The following COG5 variants were observed in gnomAD, a reference collection of about 807,000 sequenced individuals.
COG5 encodes the protein component of oligomeric golgi complex 5.
A neutral mutation model predicts 110.4 loss-of-function variants in COG5; 86 were observed. The ratio of observed to expected loss-of-function variants is 0.78; its 90% CI spans 0.65 to 0.93. The LOEUF (loss-of-function observed/expected upper bound fraction) is 0.93, where lower values mean the gene tolerates loss of function less well. COG5 is among the 40% of genes least tolerant of loss of function. The probability of loss-of-function intolerance (pLI) is 0.00; values close to 1 mark genes in which losing one functional copy is unlikely to be tolerated. For missense variants in COG5, 1,077 were observed against 987.0 expected, an observed-to-expected ratio of 1.09 and a Z score of -1.22; for synonymous variants, 360 against 334.6, an observed-to-expected ratio of 1.08 and a Z score of -0.83.
intron 6 of COG5, among the ~76,000 whole-genome samples, chr7:107,439,048 CTT>C (rs1794544034): frequency 6.6e-6 from 1 of 152,104 alleles, no homozygotes; most frequent in South Asian, 2.1e-4. Flanking sequence ...TTCCTGACCT[CTT>C]CTCTTCTAAT....
intron 14 of COG5, among the ~76,000 whole-genome samples, chr7:107,266,131 T>C (rs1408397591): frequency 1.3e-5 from 2 of 152,158 alleles, no homozygotes; most frequent in Non-Finnish European, 2.9e-5. Context: ...TTATACTTTA[T>C]GTGGAATCCA....
intron 14 of COG5, among the ~76,000 whole-genome samples, chr7:107,274,511 A>G (rs924248916): frequency 5.3e-5 from 8 of 152,096 alleles, no homozygotes; most frequent in African/African-American, 1.9e-4. Flanking sequence ...CCCCGTCTTC[A>G]CCATGAGATC....
At chr7:107,409,363 G>T (rs893505175) in intron 7 of COG5, among the ~76,000 whole-genome samples, 1 of 149,816 alleles carries the variant, frequency 6.7e-6, no homozygotes, top group African/African-American at 2.5e-5. Context: ...TGGGAAACTG[G>T]GAGGTCACCC....
intron 1 of COG5, among the ~76,000 whole-genome samples, chr7:107,558,730 T>TA (rs1265932842): frequency 6.7e-6 from 1 of 148,490 alleles, no homozygotes; most frequent in East Asian, 2.0e-4. Flanking sequence ...ACTAAAAATA[T>TA]AAAAAAAATT....
At chr7:107,282,884 C>G (rs1053141436) in intron 13 of COG5, among the ~76,000 whole-genome samples, 3 of 152,142 alleles carry the variant, frequency 2.0e-5, no homozygotes, top group Admixed American at 6.5e-5. Flanking sequence ...AGAATTTAGA[C>G]CTCAGTCTCA....
At chr7:107,212,376 G>A (rs1179863842) in intron 19 of COG5, among the ~76,000 whole-genome samples, 1 of 152,232 alleles carries the variant, frequency 6.6e-6, no homozygotes, top group Admixed American at 6.5e-5. Flanking sequence ...CTGAAAATGT[G>A]ATGCACCTGC....
At chr7:107,453,175 T>A (rs2129095063) in intron 6 of COG5, among the ~76,000 whole-genome samples, 1 of 152,308 alleles carries the variant, frequency 6.6e-6, no homozygotes, top group East Asian at 1.9e-4. Context: ...TTCAAAATAA[T>A]CTGAACAATA....
At position 107,527,245 on chromosome 7, in the gene COG5, T is replaced by A. The variant is rs1466497522; in HGVS notation, c.530A>T (p.Asn177Ile). 1.3e-6 allele frequency: 2 copies of A among 1,586,048 alleles called. No individual in the cohort carries two copies. The highest frequency in any genetic ancestry group is 1.1e-5 in the South Asian group (1 of 87,460). The change falls in exon 6 of 22, where the codon AAT becomes ATT. Residue 177 changes from asparagine to isoleucine, a missense_variant. By Grantham distance (149) the Asn-to-Ile change is moderately radical (BLOSUM62 -3). Coordinates refer to ENST00000297135, the MANE Select transcript of COG5 (RefSeq NM_006348.5). The stretch of plus-strand genomic sequence containing the variant: ...AAAAAAAAAAAACTTACCAAGTTCA[T>A]TGAGACTCTGAGCAGCTTTTGTTAT... ...REITKAAQSL[N>I]ELDYLSQGID...
chr7:107,398,468 C>T (rs1409979559), intron 7 of COG5, among the ~76,000 whole-genome samples: 1 of 152,036 alleles, frequency 6.6e-6, no homozygotes, highest in East Asian at 1.9e-4. Context: ...GAGTGCGAAC[C>T]CTATTGCTAA....
intron 6 of COG5, among the ~76,000 whole-genome samples, chr7:107,423,588 C>G (rs1171192475): frequency 1.3e-5 from 2 of 150,206 alleles, no homozygotes; most frequent in South Asian, 2.1e-4. Context: ...CATTATCCCT[C>G]AAGAGATATA....
At chr7:107,224,206 T>TAA (rs1474810607) in intron 19 of COG5, among the ~76,000 whole-genome samples, 7 of 152,102 alleles carry the variant, frequency 4.6e-5, no homozygotes, top group African/African-American at 1.7e-4. Flanking sequence ...AGGGTCTTAG[T>TAA]GTTAAAGGTG....
rs1454115230 is a variant in COG5 at position 107,372,702 on chromosome 7, T to C, written c.728A>G (p.Asp243Gly). 1.2e-6 allele frequency: 2 copies of C among 1,613,558 alleles called. No individual in the cohort carries two copies. Among genetic ancestry groups the C allele is most frequent in the Non-Finnish European group, 1.7e-6 (2 of 1,179,692 alleles). The change falls in exon 8 of 22, where the codon GAT (aspartate) becomes GGT (glycine). Residue 243 changes from aspartate (D) to glycine (G), a missense_variant. Coordinates refer to ENST00000297135, the MANE Select transcript of COG5 (RefSeq NM_006348.5). ...TCCATCCACAACACTGGTAATAGTA[T>C]CCTTCAAAGTTCCAAGATTATAGAA... Reference protein sequence around the residue: ...QVFYNLGTLKDTITSVVDGYC... With the variant: ...QVFYNLGTLKGTITSVVDGYC...
intron 6 of COG5, among the ~76,000 whole-genome samples, chr7:107,468,742 T>G (rs1796451934): frequency 6.6e-6 from 1 of 152,092 alleles, no homozygotes; most frequent in South Asian, 2.1e-4. Flanking sequence ...AATAAGAGAA[T>G]AGTTCCAATT....
intron 6 of COG5, among the ~76,000 whole-genome samples, chr7:107,429,038 T>G (rs912474434): frequency 6.6e-6 from 1 of 152,190 alleles, no homozygotes; most frequent in East Asian, 1.9e-4. Flanking sequence ...CATGAACATT[T>G]CTTGTCTGCT....
chr7:107,548,247 T>C lies in COG5; in HGVS notation c.347+31A>G, dbSNP rs759035826. 5.6e-6 allele frequency: 9 copies of C among 1,602,010 alleles called. No homozygotes were observed. The South Asian group carries it at 7.7e-5, about 14-fold the overall frequency. Reference sequence around the variant, plus strand: ...ATATCAATGGATAAAAACATTCCCATTCCATTTATTTATAAAATTAAGAAC... The same window carrying C: ...ATATCAATGGATAAAAACATTCCCACTCCATTTATTTATAAAATTAAGAAC... On this transcript the variant is annotated intron_variant, in intron 4 of 21. Transcript: ENST00000297135.
At chr7:107,250,236 C>T (rs957540012) in intron 16 of COG5, among the ~76,000 whole-genome samples, 24 of 152,136 alleles carry the variant, frequency 1.6e-4, no homozygotes, top group African/African-American at 5.3e-4. Flanking sequence ...CAGAGAAGAC[C>T]GCCTAATTTT....
chr7:107,338,202 A>T (rs570090264), intron 10 of COG5, among the ~76,000 whole-genome samples: 16 of 152,266 alleles, frequency 1.1e-4, no homozygotes, highest in Admixed American at 4.6e-4. Context: ...CTTTTTTGAG[A>T]AGGAAAACAA....
chr7:107,319,742 C>T lies in COG5; in HGVS notation c.1108+4698G>A, dbSNP rs12672729. Among the ~76,000 whole-genome samples the T allele has an allele frequency of 1.7e-4, 26 of 152,100 alleles. No individual in the cohort carries two copies. The East Asian group carries it at 5.0e-3, about 29-fold the overall frequency. ...TTACGTGATTTAGGATCCAACACAACTAATCTCTAATTTATTATGCTGAGT... is the reference window on the plus strand; with the variant it reads ...TTACGTGATTTAGGATCCAACACAATTAATCTCTAATTTATTATGCTGAGT... On this transcript the variant is annotated intron_variant, in intron 11 of 21. Coordinates refer to ENST00000297135, the MANE Select transcript of COG5 (RefSeq NM_006348.5).
At position 107,548,122 on chromosome 7, in the gene COG5, C is replaced by A. The variant is rs1303948737; in HGVS notation, c.406G>T (p.Ala136Ser). Residue 136 changes from alanine (A) to serine (S), a missense_variant, in exon 5 of 22, where the codon GCA becomes TCA. Coordinates refer to ENST00000297135, the MANE Select transcript of COG5 (RefSeq NM_006348.5). The part of the protein sequence containing the change: ...NKIVARTAQL[A>S]RLQVACDLLR... ...AAGTAAGAAACTACCTGAAGTCTTGCTAGTTGTGCAGTCCGGGCAACTATC... is the reference window on the plus strand; with the variant it reads ...AAGTAAGAAACTACCTGAAGTCTTGATAGTTGTGCAGTCCGGGCAACTATC... 1 of 1,613,306 alleles carries A rather than the reference C, an allele frequency of 6.2e-7. No individual in the cohort carries two copies. The highest frequency in any genetic ancestry group is 1.7e-5 in the Admixed American group (1 of 60,014).
Sources: gnomAD v4.1 joint callset for allele counts (sites outside exome capture counted in the v4.1 genomes callset) on GRCh38, gnomAD v4.1.1 for gene constraint, MANE v1.5 for transcripts, NCBI Gene and HGNC (gene_info 2026-07-23, HGNC 2026-07-21) for gene names.